Variants in AFF3 observed in about 807,000 individuals in gnomAD.
AFF3 encodes the protein ALF transcription elongation factor 3.
A neutral mutation model predicts 129.7 loss-of-function variants in AFF3; 32 were observed. The ratio of observed to expected loss-of-function variants is 0.25; its 90% CI spans 0.19 to 0.33. AFF3 has a LOEUF of 0.33. AFF3 is among the 10% of genes least tolerant of loss of function. AFF3 has a pLI of 1.00. For missense variants in AFF3, 1,373 were observed against 1,592.0 expected, an observed-to-expected ratio of 0.86 and a Z score of 2.34; for synonymous variants, 644 against 635.4, an observed-to-expected ratio of 1.01 and a Z score of -0.20.
At chr2:100,059,965 TAAC>T (rs138070840) in intron 4 of AFF3, among the ~76,000 whole-genome samples, 5,231 of 152,170 alleles carry the variant, frequency 0.034, 291 homozygotes, top group African/African-American at 0.12. Context: ...ACGTTCTGTG[TAAC>T]AACAAACACA....
chr2:100,002,785 G>A (rs571842234), intron 7 of AFF3, among the ~76,000 whole-genome samples: 1 of 152,238 alleles, frequency 6.6e-6, no homozygotes, highest in East Asian at 1.9e-4. Context: ...AACTATAAAT[G>A]TGTAGGTTTT....
At chr2:100,124,927 G>A (rs989195281) in intron 2 of AFF3, among the ~76,000 whole-genome samples, 1 of 152,094 alleles carries the variant, frequency 6.6e-6, no homozygotes, top group Admixed American at 6.5e-5. Flanking sequence ...ATCAGCCCAG[G>A]GGTCATGACC....
At chr2:99,922,398 TAATGATGCAGACAATGATA>T (rs1695921088) in intron 7 of AFF3, among the ~76,000 whole-genome samples, 1 of 152,180 alleles carries the variant, frequency 6.6e-6, no homozygotes, top group African/African-American at 2.4e-5. Context: ...AAAAAAGAAT[TAATGATGCAGACAATGATA>T]CTGATGAATC....
chr2:100,054,935 G>GTGTT (rs889337793), intron 4 of AFF3, among the ~76,000 whole-genome samples: 12 of 152,156 alleles, frequency 7.9e-5, no homozygotes, highest in Non-Finnish European at 1.5e-4. Flanking sequence ...CCCACAAAGA[G>GTGTT]TGTTTCTCCA....
chr2:99,835,359 A>G (rs1166708522), intron 8 of AFF3, among the ~76,000 whole-genome samples: 4 of 152,036 alleles, frequency 2.6e-5, no homozygotes, highest in Non-Finnish European at 5.9e-5. Context: ...TGGAGCCACA[A>G]TCTTGGAGGA....
intron 8 of AFF3, among the ~76,000 whole-genome samples, chr2:99,762,149 G>A (rs1431840135): frequency 6.8e-6 from 1 of 146,900 alleles, no homozygotes; most frequent in African/African-American, 2.5e-5. Flanking sequence ...TTTTCAGATG[G>A]AGTCTCGCTC....
chr2:99,577,017 G>A (rs1032759798), intron 18 of AFF3, among the ~76,000 whole-genome samples: 1 of 152,014 alleles, frequency 6.6e-6, no homozygotes, highest in Non-Finnish European at 1.5e-5. Context: ...GGGGTGGGAC[G>A]CAGCTGCCAC....
intron 4 of AFF3, among the ~76,000 whole-genome samples, chr2:100,062,463 C>G (rs1687368963): frequency 6.6e-6 from 1 of 152,046 alleles, no homozygotes; most frequent in African/African-American, 2.4e-5. Context: ...ACAGTAACAA[C>G]CAAAAATCCC....
At chr2:99,793,174 C>T (rs1381291942) in intron 8 of AFF3, among the ~76,000 whole-genome samples, 2 of 152,160 alleles carry the variant, frequency 1.3e-5, no homozygotes, top group African/African-American at 4.8e-5. Context: ...TTAGTTCCCG[C>T]AAGAACTGGA....
chr2:99,645,735 T>C (rs1684634897), intron 13 of AFF3, among the ~76,000 whole-genome samples: 1 of 152,200 alleles, frequency 6.6e-6, no homozygotes, highest in Non-Finnish European at 1.5e-5. Flanking sequence ...TTTTAAAATT[T>C]ATGTAACGGA....
Position 99,865,991 on chromosome 2 carries a change from G to A in AFF3, c.874-28467C>T, listed in dbSNP as rs757113853. Among the ~76,000 whole-genome samples, 125 of 152,202 alleles carry A rather than the reference G, an allele frequency of 8.2e-4. 3 individuals carry two copies. Among genetic ancestry groups the A allele is most frequent in the Non-Finnish European group, 2.5e-4 (17 of 68,040 alleles). On this transcript the variant is annotated intron_variant, in intron 7 of 24. Transcript: ENST00000672756. ...TGTCAGCCATTGTGCTAGGCAGCCC[G>A]ATTGGCAGTTAAGGAAAACTTTCGC...
chr2:99,828,005 G>A (rs111773798), intron 8 of AFF3, among the ~76,000 whole-genome samples: 92 of 152,272 alleles, frequency 6.0e-4, no homozygotes, highest in Non-Finnish European at 5.9e-4. Flanking sequence ...TCACAGGTGT[G>A]CAGCAAGCAG....
chr2:99,690,010 C>T (rs1675447311), intron 11 of AFF3, among the ~76,000 whole-genome samples: 1 of 149,508 alleles, frequency 6.7e-6, no homozygotes, highest in Non-Finnish European at 1.5e-5. Flanking sequence ...TTGCTTGAAC[C>T]TGGGAGGTGG....
intron 8 of AFF3, among the ~76,000 whole-genome samples, chr2:99,836,367 A>G (rs867850917): frequency 2.6e-5 from 4 of 152,322 alleles, no homozygotes; most frequent in African/African-American, 9.6e-5. Context: ...CCCAGAATAG[A>G]GACAATATAG....
rs111316933 is a variant in AFF3 at position 99,580,136 on chromosome 2, C to T, written c.2794-1685G>A. ...GGCCTCTGTTCCCCAGATTCATGAG[C>T]GTGTGCAGTTCTTTCTCGGGACCTC... On this transcript the variant is annotated intron_variant, in intron 17 of 24. Coordinates refer to ENST00000672756, the MANE Select transcript of AFF3 (RefSeq NM_001386135.1). Among the ~76,000 whole-genome samples, 740 of 152,232 alleles carry T rather than the reference C, an allele frequency of 4.9e-3. 7 individuals carry two copies. The highest frequency in any genetic ancestry group is 0.017 in the African/African-American group (688 of 41,524).
chr2:99,990,227 A>G (rs925517200), intron 7 of AFF3, among the ~76,000 whole-genome samples: 2 of 152,218 alleles, frequency 1.3e-5, no homozygotes, highest in Non-Finnish European at 2.9e-5. Flanking sequence ...AATATAATGC[A>G]TTCAGTGACC....
chr2:99,675,046 A>G (rs1405036861), intron 11 of AFF3, among the ~76,000 whole-genome samples: 1 of 152,214 alleles, frequency 6.6e-6, no homozygotes, highest in Non-Finnish European at 1.5e-5. Context: ...TTGTGCTTCT[A>G]TAATGAGACT....
intron 7 of AFF3, among the ~76,000 whole-genome samples, chr2:99,923,028 G>C (rs1377534657): frequency 2.0e-5 from 3 of 152,104 alleles, no homozygotes; most frequent in African/African-American, 7.2e-5. Context: ...AAATGTTTCT[G>C]ATTTTACAAA....
At chr2:99,991,624 C>T (rs1375684125) in intron 7 of AFF3, among the ~76,000 whole-genome samples, 2 of 151,996 alleles carry the variant, frequency 1.3e-5, no homozygotes, top group Non-Finnish European at 1.5e-5. Flanking sequence ...CAAAATGGGC[C>T]GGGCGCAGGG....
Sources: gnomAD v4.1 joint callset for allele counts (sites outside exome capture counted in the v4.1 genomes callset) on GRCh38, gnomAD v4.1.1 for gene constraint, MANE v1.5 for transcripts, NCBI Gene and HGNC (gene_info 2026-07-23, HGNC 2026-07-21) for gene names.